The following ADGRB3 variants were observed in gnomAD, a reference collection of about 807,000 sequenced individuals.
ADGRB3 encodes brain-specific angiogenesis inhibitor 3.
Under a neutral mutation model 193.4 loss-of-function variants are expected in ADGRB3, and 37 were observed. The observed-to-expected ratio is 0.19, with a 90% CI of 0.15 to 0.25. ADGRB3 has a LOEUF of 0.25. Among genes scored for constraint, ADGRB3 ranks in the 10% least tolerant of loss-of-function variants. The probability of loss-of-function intolerance (pLI) is 1.00; values close to 1 mark genes in which losing one functional copy is unlikely to be tolerated. For synonymous variants in ADGRB3, 690 were observed against 644.2 expected (o/e 1.07, Z -1.08); for missense variants, 1,637 against 1,852.9 (o/e 0.88, Z 2.14).
chr6:69,021,735 A>G (rs1012938534), intron 13 of ADGRB3, among the ~76,000 whole-genome samples: 1 of 151,956 alleles, frequency 6.6e-6, no homozygotes. Context: ...AAGGAGTGAC[A>G]TATTTTAGAA....
intron 3 of ADGRB3, among the ~76,000 whole-genome samples, chr6:68,735,399 T>A (rs1299298713): frequency 6.6e-6 from 1 of 151,956 alleles, no homozygotes; most frequent in Non-Finnish European, 1.5e-5. Context: ...TTAAATTGAA[T>A]TAGAATTATA....
chr6:69,121,785 C>T (rs1373387029), intron 17 of ADGRB3, among the ~76,000 whole-genome samples: 6 of 147,526 alleles, frequency 4.1e-5, no homozygotes, highest in East Asian at 4.1e-4. Flanking sequence ...GACGGGGTGG[C>T]GGCCGGGCAG....
At chr6:69,127,960 G>A (rs1019087631) in intron 17 of ADGRB3, among the ~76,000 whole-genome samples, 4 of 150,728 alleles carry the variant, frequency 2.7e-5, no homozygotes, top group South Asian at 2.1e-4. Context: ...GGTCTCCTTC[G>A]TACATACCCC....
intron 8 of ADGRB3, among the ~76,000 whole-genome samples, chr6:68,972,976 A>G (rs1054149160): frequency 6.6e-6 from 1 of 152,176 alleles, no homozygotes; most frequent in Admixed American, 6.6e-5. Context: ...TTAGGAGGAG[A>G]CAGCTTATGA....
At chr6:68,805,692 T>C (rs1767388699) in intron 3 of ADGRB3, among the ~76,000 whole-genome samples, 1 of 152,184 alleles carries the variant, frequency 6.6e-6, no homozygotes, top group Admixed American at 6.5e-5. Context: ...GATGATACTT[T>C]ATATGGCACA....
At chr6:68,806,873 A>G (rs1331180063) in intron 3 of ADGRB3, among the ~76,000 whole-genome samples, 1 of 152,144 alleles carries the variant, frequency 6.6e-6, no homozygotes, top group Non-Finnish European at 1.5e-5. Flanking sequence ...TAGCAATGCT[A>G]CCATAAGCAT....
At chr6:68,754,638 T>C (rs1268188916) in intron 3 of ADGRB3, among the ~76,000 whole-genome samples, 1 of 152,212 alleles carries the variant, frequency 6.6e-6, no homozygotes, top group African/African-American at 2.4e-5. Context: ...ATACAAAATG[T>C]AGATTCTGAG....
intron 11 of ADGRB3, among the ~76,000 whole-genome samples, chr6:68,994,689 C>T (rs1002792886): frequency 3.3e-5 from 5 of 152,132 alleles, no homozygotes; most frequent in African/African-American, 7.2e-5. Flanking sequence ...TTCAAAGGTA[C>T]TTCTACAAAG....
chr6:68,865,124 A>G (rs1051021470), intron 3 of ADGRB3, among the ~76,000 whole-genome samples: 2 of 152,144 alleles, frequency 1.3e-5, no homozygotes, highest in African/African-American at 4.8e-5. Context: ...ATATAATAAA[A>G]TAAATACCAA....
At chr6:69,016,577 TA>T in intron 12 of ADGRB3, among the ~76,000 whole-genome samples, 1 of 152,104 alleles carries the variant, frequency 6.6e-6, no homozygotes, top group East Asian at 1.9e-4. Context: ...TGACTGGAAG[TA>T]ATTTTGCCAC....
intron 17 of ADGRB3, among the ~76,000 whole-genome samples, chr6:69,225,727 G>T (rs1013714661): frequency 2.0e-5 from 3 of 152,134 alleles, no homozygotes; most frequent in African/African-American, 7.2e-5. Context: ...ATGGATGTGG[G>T]AGCTTAATTT....
Position 68,781,038 on chromosome 6 carries a change from T to C in ADGRB3, c.757+141606T>C, listed in dbSNP as rs899922128. Among the ~76,000 whole-genome samples, 35 of 152,330 alleles carry C rather than the reference T, an allele frequency of 2.3e-4. 1 individual carries two copies. The highest frequency in any genetic ancestry group is 1.5e-5 in the Non-Finnish European group (1 of 68,012). On this transcript the variant is annotated intron_variant, in intron 3 of 31. Transcript: ENST00000370598. ...TAAGCGAAGCTTTTATGTTTCATTT[T>C]GTTTTGTTTTATCCTCAAGTTGATA...
intron 3 of ADGRB3, among the ~76,000 whole-genome samples, chr6:68,908,996 T>G (rs1766625225): frequency 6.6e-6 from 1 of 152,166 alleles, no homozygotes; most frequent in Non-Finnish European, 1.5e-5. Context: ...TTGGATGAAA[T>G]CCTGTCAATA....
chr6:68,739,306 T>C (rs1562011401), intron 3 of ADGRB3, among the ~76,000 whole-genome samples: 1 of 152,294 alleles, frequency 6.6e-6, no homozygotes, highest in East Asian at 1.9e-4. Flanking sequence ...AATTGTATAT[T>C]GGCAAGGTAT....
At chr6:68,961,541 A>G (rs958788086) in intron 8 of ADGRB3, among the ~76,000 whole-genome samples, 1 of 152,192 alleles carries the variant, frequency 6.6e-6, no homozygotes, top group Admixed American at 6.6e-5. Context: ...TCCAGTTAGT[A>G]GAATAGTGAA....
intron 17 of ADGRB3, among the ~76,000 whole-genome samples, chr6:69,108,454 A>G (rs1385224293): frequency 1.3e-5 from 2 of 151,974 alleles, no homozygotes; most frequent in East Asian, 3.9e-4. Context: ...TGGACTTTGC[A>G]AGATTACAAA....
At chr6:69,201,380 A>G (rs1176183112) in intron 17 of ADGRB3, among the ~76,000 whole-genome samples, 4 of 151,828 alleles carry the variant, frequency 2.6e-5, no homozygotes, top group Non-Finnish European at 4.4e-5. Context: ...TCTGTTACAT[A>G]TGGCCCTTTT....
At chr6:68,811,429 T>C (rs932035956) in intron 3 of ADGRB3, among the ~76,000 whole-genome samples, 41 of 152,194 alleles carry the variant, frequency 2.7e-4, no homozygotes, top group African/African-American at 8.9e-4. Context: ...ATTGCACTAT[T>C]CTGTCAGGCC....
At chr6:69,227,529 G>C (rs1428974569) in intron 17 of ADGRB3, among the ~76,000 whole-genome samples, 1 of 152,156 alleles carries the variant, frequency 6.6e-6, no homozygotes, top group Non-Finnish European at 1.5e-5. Context: ...AGAGATGATG[G>C]TGGCTTGAAA....
Sources: allele counts gnomAD v4.1 joint callset (sites outside exome capture counted in the v4.1 genomes callset), GRCh38; gene constraint gnomAD v4.1.1; transcripts MANE v1.5; gene names NCBI Gene and HGNC (gene_info 2026-07-23, HGNC 2026-07-21).